Variants in DCC observed in about 807,000 individuals in gnomAD.
DCC encodes netrin receptor DCC.
Under a neutral mutation model 172.5 loss-of-function variants are expected in DCC, and 58 were observed. That is an observed-to-expected ratio of 0.34 (90% CI 0.27 to 0.42). DCC has a LOEUF of 0.42. Ranked by LOEUF, DCC falls within the 10% of genes least tolerant of loss-of-function variation. DCC has a pLI of 1.00. For synonymous variants in DCC, 709 were observed against 644.5 expected (o/e 1.10, Z -1.52); for missense variants, 1,740 against 1,791.0 (o/e 0.97, Z 0.51).
intron 2 of DCC, among the ~76,000 whole-genome samples, chr18:52,876,891 G>A (rs1467181244): frequency 3.9e-5 from 6 of 152,038 alleles, no homozygotes; most frequent in African/African-American, 7.3e-5. Flanking sequence ...ATCTCTTGTC[G>A]CAGACCCTCC....
At chr18:52,930,254 C>A (rs898879313) in intron 5 of DCC, among the ~76,000 whole-genome samples, 7 of 152,014 alleles carry the variant, frequency 4.6e-5, no homozygotes, top group Admixed American at 2.6e-4. Flanking sequence ...CATGAGCCAT[C>A]GCACCCAACC....
At chr18:52,609,625 T>C (rs2034207417) in intron 1 of DCC, among the ~76,000 whole-genome samples, 1 of 151,980 alleles carries the variant, frequency 6.6e-6, no homozygotes, top group African/African-American at 2.4e-5. Context: ...TTTTAAACAT[T>C]CCTCTCTGTT....
rs547092936 is a variant in DCC, at chr18:52,546,362, C to T, written c.91+205484C>T. 5.3e-5 allele frequency among the ~76,000 whole-genome samples: 8 copies of T among 152,130 alleles called. No individual in the cohort carries two copies. In the East Asian group the frequency reaches 9.7e-4, roughly 18 times the overall value. The stretch of plus-strand genomic sequence containing the variant: ...TGACAAAGAAGAAAGATCAAAGCCA[C>T]GACAGTATACAGCAAAGAAGTAGAA... On this transcript the variant is annotated intron_variant, in intron 1 of 28. Coordinates refer to ENST00000442544, the MANE Select transcript of DCC (RefSeq NM_005215.4).
In DCC at chr18:52,687,023, T is replaced by C. The variant is rs375768293; in HGVS notation, c.92-65031T>C. ...GTTCTACTCCTTAGGTTGATCATCA[T>C]CTTCTTTCACTCTTCCCAACTACAG... is the stretch of plus-strand genomic sequence containing the variant. On this transcript the variant is annotated intron_variant, in intron 1 of 28. Coordinates refer to ENST00000442544, the MANE Select transcript of DCC (RefSeq NM_005215.4). Among the ~76,000 whole-genome samples the C allele has an allele frequency of 5.3e-5, 8 of 152,256 alleles. No homozygotes were observed. In the East Asian group the frequency reaches 7.8e-4, roughly 15 times the overall value.
chr18:52,617,823 T>A (rs1442071151), intron 1 of DCC, among the ~76,000 whole-genome samples: 1 of 152,178 alleles, frequency 6.6e-6, no homozygotes, highest in Non-Finnish European at 1.5e-5. Context: ...GAAGCTTATT[T>A]TGCTTACTAT....
chr18:53,513,739 G>C (rs1038078846), intron 27 of DCC, among the ~76,000 whole-genome samples: 5 of 150,474 alleles, frequency 3.3e-5, no homozygotes, highest in Admixed American at 2.7e-4. Context: ...ATGCTAAAGG[G>C]ATCAATTCAA....
intron 1 of DCC, among the ~76,000 whole-genome samples, chr18:52,683,397 T>A (rs1400553590): frequency 6.6e-6 from 1 of 152,114 alleles, no homozygotes; most frequent in Non-Finnish European, 1.5e-5. Flanking sequence ...TGGAGCTCTT[T>A]ATTCTTCTAA....
intron 2 of DCC, among the ~76,000 whole-genome samples, chr18:52,841,447 C>A (rs979388773): frequency 3.3e-5 from 5 of 152,122 alleles, no homozygotes; most frequent in Non-Finnish European, 7.4e-5. Context: ...TTTCCACTAG[C>A]AGATCCTAAA....
chr18:52,880,448 C>CT (rs2039467864), intron 2 of DCC, among the ~76,000 whole-genome samples: 1 of 152,118 alleles, frequency 6.6e-6, no homozygotes, highest in African/African-American at 2.4e-5. Flanking sequence ...CTTGCCCGGC[C>CT]TTATTCATTC....
rs538192865 is a variant in DCC at position 52,921,497 on chromosome 18, G to A, written c.698-2210G>A. ...GCAGATCACCTGAGATGAGGAGTTC[G>A]AGACCAGCCTGGCCAACATGGTGAA... On this transcript the variant is annotated intron_variant, in intron 3 of 28. Coordinates refer to ENST00000442544, the MANE Select transcript of DCC (RefSeq NM_005215.4). Among the ~76,000 whole-genome samples, 172 of 152,032 alleles carry A rather than the reference G, an allele frequency of 1.1e-3. 1 individual carries two copies. Among genetic ancestry groups the A allele is most frequent in the Middle Eastern group, 6.8e-3 (2 of 294 alleles).
At chr18:52,793,873 C>T (rs2037821842) in intron 2 of DCC, among the ~76,000 whole-genome samples, 1 of 152,138 alleles carries the variant, frequency 6.6e-6, no homozygotes, top group Admixed American at 6.6e-5. Context: ...GTTTTCCCTG[C>T]ATCATTATTG....
At chr18:53,165,945 T>C (rs1224901466) in intron 8 of DCC, among the ~76,000 whole-genome samples, 1 of 152,162 alleles carries the variant, frequency 6.6e-6, no homozygotes, top group Admixed American at 6.6e-5. Context: ...ACTTGCAGTT[T>C]CAAAAGATGA....
intron 1 of DCC, among the ~76,000 whole-genome samples, chr18:52,652,900 C>A (rs980631550): frequency 3.9e-5 from 6 of 151,992 alleles, no homozygotes; most frequent in Non-Finnish European, 7.4e-5. Flanking sequence ...AGCTTTCCCC[C>A]ACCAGGAGCT....
chr18:52,979,142 A>G (rs2041167313), intron 5 of DCC, among the ~76,000 whole-genome samples: 1 of 152,162 alleles, frequency 6.6e-6, no homozygotes, highest in Admixed American at 6.5e-5. Flanking sequence ...AAGTATAATT[A>G]TATTTGAAGT....
intron 1 of DCC, chr18:52,409,194 C>T (rs1986758976): frequency 6.6e-6 from 1 of 152,078 alleles, no homozygotes; most frequent in Non-Finnish European, 1.5e-5. Context: ...TTGCACCTGC[C>T]TCAGGCACAG....
intron 9 of DCC, among the ~76,000 whole-genome samples, chr18:53,186,795 ACT>A (rs1180498047): frequency 6.6e-6 from 1 of 152,156 alleles, no homozygotes; most frequent in African/African-American, 2.4e-5. Flanking sequence ...GGTTCTGGAG[ACT>A]GAGAAGTCTG....
chr18:52,914,385 G>A (rs1555681193), intron 3 of DCC, among the ~76,000 whole-genome samples: 1 of 152,044 alleles, frequency 6.6e-6, no homozygotes, highest in Non-Finnish European at 1.5e-5. Flanking sequence ...TGTGTACATA[G>A]AGAAAGAAAG....
At chr18:52,646,104 A>C (rs529090621) in intron 1 of DCC, among the ~76,000 whole-genome samples, 2 of 152,288 alleles carry the variant, frequency 1.3e-5, no homozygotes, top group African/African-American at 2.4e-5. Context: ...CCAGGGACTA[A>C]CTTGTCTGGC....
intron 1 of DCC, among the ~76,000 whole-genome samples, chr18:52,377,635 ATT>A (rs5824932): frequency 6.7e-6 from 1 of 148,590 alleles, no homozygotes; most frequent in African/African-American, 2.5e-5. Context: ...ACAATTATGC[ATT>A]TTTTTTTATA....
Sources: gnomAD v4.1 joint callset for allele counts (sites outside exome capture counted in the v4.1 genomes callset) on GRCh38, gnomAD v4.1.1 for gene constraint, MANE v1.5 for transcripts, NCBI Gene and HGNC (gene_info 2026-07-23, HGNC 2026-07-21) for gene names.